Variants in SLIT2 observed in about 807,000 individuals in gnomAD.
SLIT2 encodes slit homolog 2 protein.
Under a neutral mutation model 185.7 loss-of-function variants are expected in SLIT2, and 41 were observed. The ratio of observed to expected loss-of-function variants is 0.22; its 90% CI spans 0.17 to 0.29. The LOEUF (loss-of-function observed/expected upper bound fraction) is 0.29. Ranked by LOEUF, SLIT2 falls within the 10% of genes least tolerant of loss-of-function variation. SLIT2 has a pLI of 1.00. For synonymous variants in SLIT2, 693 were observed against 680.2 expected (o/e 1.02, Z -0.29); for missense variants, 1,571 against 1,909.0 (o/e 0.82, Z 3.30).
chr4:20,369,209 T>G (rs145142554), intron 4 of SLIT2, among the ~76,000 whole-genome samples: 186 of 152,224 alleles, frequency 1.2e-3, no homozygotes, highest in Admixed American at 1.8e-3. Context: ...TTCTGGTTTG[T>G]GTGCTGTCTC....
At chr4:20,606,691 T>A (rs1578014050) in intron 33 of SLIT2, among the ~76,000 whole-genome samples, 1 of 152,206 alleles carries the variant, frequency 6.6e-6, no homozygotes, top group Non-Finnish European at 1.5e-5. Flanking sequence ...ATCTCACTCA[T>A]AATTGGGAAA....
chr4:20,267,742 C>G (rs1299153140), intron 3 of SLIT2, among the ~76,000 whole-genome samples: 1 of 151,704 alleles, frequency 6.6e-6, no homozygotes, highest in Non-Finnish European at 1.5e-5. Flanking sequence ...ACCCGATGAC[C>G]CTTGCAATAT....
chr4:20,523,630 A>C (rs17613593), intron 12 of SLIT2, 130 bp from the exon 13 acceptor site: 39,392 of 703,734 alleles, frequency 0.056, 1,370 homozygotes, highest in Non-Finnish European at 0.065. Flanking sequence ...CTAAATTATT[A>C]AAGTTAAAAT....
rs185182154 is a variant in SLIT2 at position 20,300,778 on chromosome 4, A to G, written c.395+31897A>G. 2.6e-5 allele frequency among the ~76,000 whole-genome samples: 4 copies of G among 152,224 alleles called. No individual in the cohort carries two copies. In the East Asian group the frequency reaches 7.7e-4, roughly 29 times the overall value. ...TAAATCTCTGTTGCTAAAATCAAGC[A>G]CTAGGCTTTTATGGAACTCTTCCTA... On this transcript the variant is annotated intron_variant, in intron 4 of 36. Transcript: ENST00000504154.
At position 20,486,583 on chromosome 4, in the gene SLIT2, TG is replaced by T. The variant is rs904396667; in HGVS notation, c.611+315del. 8.3e-4 allele frequency among the ~76,000 whole-genome samples: 126 copies of T among 152,224 alleles called. 1 individual carries two copies. The highest frequency in any genetic ancestry group is 2.9e-3 in the African/African-American group (120 of 41,566). ...TTGATTGGCTGTCAGAAATGATAAA[TG>T]GGAAATCTTTATGATTTTATTACTG... On this transcript the variant is annotated intron_variant, in intron 7 of 36. Transcript: ENST00000504154.
chr4:20,360,813 A>T (rs942534925), intron 4 of SLIT2, among the ~76,000 whole-genome samples: 1 of 152,146 alleles, frequency 6.6e-6, no homozygotes, highest in Non-Finnish European at 1.5e-5. Context: ...GATACCATTT[A>T]TTGAGAGCTT....
intron 16 of SLIT2, among the ~76,000 whole-genome samples, chr4:20,531,634 C>G (rs1400244449): frequency 6.6e-6 from 1 of 151,970 alleles, no homozygotes; most frequent in Non-Finnish European, 1.5e-5. Context: ...AATTTTTGTT[C>G]CAATTGTGAA....
At chr4:20,535,210 A>G (rs533307403) in intron 18 of SLIT2, among the ~76,000 whole-genome samples, 1 of 152,022 alleles carries the variant, frequency 6.6e-6, no homozygotes, top group South Asian at 2.1e-4. Flanking sequence ...GAGGCAGAAG[A>G]ATCGCTTGAT....
At chr4:20,454,096 G>A (rs1436866909) in intron 4 of SLIT2, among the ~76,000 whole-genome samples, 1 of 152,136 alleles carries the variant, frequency 6.6e-6, no homozygotes. Flanking sequence ...TAGCTTCCCT[G>A]TAGGGAATTC....
rs1436899362 is a variant in SLIT2 at position 20,253,041 on chromosome 4, C to T, written c.-775C>T. On this transcript the variant is annotated 5_prime_UTR_variant, in exon 1 of 37. Coordinates refer to ENST00000504154, the MANE Select transcript of SLIT2 (RefSeq NM_004787.4). ...GGGCAGGTCCTGGTGCAGAGCGTCG[C>T]CAAGGACGCCGAGCGGGAGGCGGGA... Among the ~76,000 whole-genome samples, 1 of 152,102 alleles carries T rather than the reference C, an allele frequency of 6.6e-6. No homozygotes were observed.
chr4:20,592,194 T>A (rs1727567737), intron 30 of SLIT2, among the ~76,000 whole-genome samples: 1 of 152,210 alleles, frequency 6.6e-6, no homozygotes, highest in Non-Finnish European at 1.5e-5. Context: ...TACTTCAACT[T>A]CATTTTCTTA....
chr4:20,390,740 C>T (rs998154405), intron 4 of SLIT2, among the ~76,000 whole-genome samples: 1 of 150,342 alleles, frequency 6.7e-6, no homozygotes, highest in Non-Finnish European at 1.5e-5. Context: ...TTATTTTCAA[C>T]ATTTTAGAAA....
At chr4:20,397,797 C>A (rs1413147375) in intron 4 of SLIT2, among the ~76,000 whole-genome samples, 1 of 151,794 alleles carries the variant, frequency 6.6e-6, no homozygotes, top group Admixed American at 6.6e-5. Context: ...TGTCCTCCCA[C>A]ACACGGCTTC....
intron 9 of SLIT2, among the ~76,000 whole-genome samples, chr4:20,494,613 A>G (rs1409416557): frequency 6.6e-6 from 1 of 151,646 alleles, no homozygotes; most frequent in Non-Finnish European, 1.5e-5. Context: ...TGTCTCTACT[A>G]AAAAATACAA....
At chr4:20,614,446 C>T (rs990296078) in intron 34 of SLIT2, among the ~76,000 whole-genome samples, 1 of 151,960 alleles carries the variant, frequency 6.6e-6, no homozygotes, top group African/African-American at 2.4e-5. Flanking sequence ...TGAATGATTT[C>T]CAACTAGGCC....
At chr4:20,532,818 G>A (rs1023967858) in intron 17 of SLIT2, among the ~76,000 whole-genome samples, 1 of 152,152 alleles carries the variant, frequency 6.6e-6, no homozygotes, top group Non-Finnish European at 1.5e-5. Context: ...CTTTTTCACT[G>A]TTATGAAATG....
At chr4:20,351,893 C>T (rs142462406) in intron 4 of SLIT2, among the ~76,000 whole-genome samples, 2 of 152,290 alleles carry the variant, frequency 1.3e-5, no homozygotes, top group African/African-American at 4.8e-5. Context: ...GATTGTCTCT[C>T]TGATGGGGGT....
chr4:20,578,756 G>T (rs1726277958), intron 29 of SLIT2, among the ~76,000 whole-genome samples: 1 of 152,086 alleles, frequency 6.6e-6, no homozygotes, highest in African/African-American at 2.4e-5. Flanking sequence ...TGCCCAATTT[G>T]AATTTAAAAA....
At chr4:20,536,928 C>T (rs1414846049) in intron 18 of SLIT2, among the ~76,000 whole-genome samples, 1 of 152,072 alleles carries the variant, frequency 6.6e-6, no homozygotes, top group Non-Finnish European at 1.5e-5. Context: ...TGCCCAGTGT[C>T]AGGATAATCA....
Sources: allele counts gnomAD v4.1 joint callset (sites outside exome capture counted in the v4.1 genomes callset), GRCh38; gene constraint gnomAD v4.1.1; transcripts MANE v1.5; gene names NCBI Gene and HGNC (gene_info 2026-07-23, HGNC 2026-07-21).